Variants in CACNA1C observed in about 807,000 individuals in gnomAD.
The protein encoded by CACNA1C is calcium voltage-gated channel subunit alpha1 C, also known as voltage-dependent L-type calcium channel subunit alpha-1C.
CACNA1C carries 30 observed loss-of-function variants against 229.0 expected under a neutral mutation model. That is an observed-to-expected ratio of 0.13 (90% CI 0.10 to 0.18). The LOEUF is 0.18. CACNA1C is among the 10% of genes least tolerant of loss of function. The probability of loss-of-function intolerance (pLI) is 1.00; values close to 1 mark genes in which losing one functional copy is unlikely to be tolerated. For missense variants in CACNA1C, 1,658 were observed against 2,845.0 expected (o/e 0.58, Z 9.49); for synonymous variants, 1,114 against 1,132.5 (o/e 0.98, Z 0.33).
chr12:2,214,857 C>T (rs534844277), intron 3 of CACNA1C, among the ~76,000 whole-genome samples: 2 of 151,674 alleles, frequency 1.3e-5, no homozygotes, highest in South Asian at 4.2e-4. Context: ...CCCTTCTAGT[C>T]TATGCTTCTG....
At chr12:2,487,513 AAAAAC>A (rs1158564860) in intron 6 of CACNA1C, among the ~76,000 whole-genome samples, 2 of 150,436 alleles carry the variant, frequency 1.3e-5, no homozygotes, top group South Asian at 2.2e-4. Flanking sequence ...CCACAGTCCT[AAAAAC>A]AAAACAAAAC....
At position 2,061,504 on chromosome 12, in the gene CACNA1C, TGTGGCCAGTAGGCTCCCAGGACG is replaced by T. The variant is rs1222135153; in HGVS notation, c.49+7898_49+7920del. Among the ~76,000 whole-genome samples, 7 of 151,706 alleles carry T rather than the reference TGTGGCCAGTAGGCTCCCAGGACG, an allele frequency of 4.6e-5. No individual in the cohort carries two copies. In the East Asian group the frequency reaches 9.8e-4, roughly 21 times the overall value. ...TTGCCCTCCAGAGAGTCTAGGAGCC[TGTGGCCAGTAGGCTCCCAGGACG>T]GTGGAGCCATGTGCACTGCTGGCAC... On this transcript the variant is annotated intron_variant, in intron 1 of 46. Transcript: ENST00000399655.
intron 3 of CACNA1C, among the ~76,000 whole-genome samples, chr12:2,375,574 C>A (rs1489933577): frequency 6.6e-6 from 1 of 152,146 alleles, no homozygotes; most frequent in African/African-American, 2.4e-5. Flanking sequence ...TGTTTCTTTT[C>A]CGAGGTATTT....
chr12:2,576,183 A>C (rs2058325513), intron 13 of CACNA1C, among the ~76,000 whole-genome samples: 1 of 152,214 alleles, frequency 6.6e-6, no homozygotes, highest in Non-Finnish European at 1.5e-5. Flanking sequence ...TTTTAAGGAT[A>C]AAACAGGGAG....
chr12:1,979,839 T>C (rs1250437568), intron 1 of CACNA1C, among the ~76,000 whole-genome samples: 1 of 152,258 alleles, frequency 6.6e-6, no homozygotes, highest in Non-Finnish European at 1.5e-5. Flanking sequence ...GGCTTTAATC[T>C]GCATAGGTTT....
At chr12:2,641,856 G>A in intron 30 of CACNA1C, 1 of 692,836 alleles carries the variant, frequency 1.4e-6, no homozygotes, top group Non-Finnish European at 2.6e-6. Flanking sequence ...CTGCTTAAGA[G>A]TATGGCTGGC....
intron 3 of CACNA1C, among the ~76,000 whole-genome samples, chr12:2,209,048 G>A (rs1473804639): frequency 1.3e-5 from 2 of 152,236 alleles, no homozygotes; most frequent in Middle Eastern, 3.4e-3. Flanking sequence ...CAGCTCTCCC[G>A]GCCAGCAGCG....
In CACNA1C at chr12:2,601,541, A is replaced by G. The variant is rs1029434594; in HGVS notation, c.2854-313A>G. On this transcript the variant is annotated intron_variant, in intron 21 of 46. Coordinates refer to ENST00000399655, the MANE Select transcript of CACNA1C (RefSeq NM_000719.7). This position sits in a 1 kb window ranked among gnomAD's most constrained non-coding sequence, Gnocchi z 5.9. ...CAAAGCCATGGACTTGGGATGTGGA[A>G]CAGTGCGAAATTAGAGTGGGATGGT... Among the ~76,000 whole-genome samples, 2 of 152,174 alleles carry G rather than the reference A, an allele frequency of 1.3e-5. No individual in the cohort carries two copies. Among genetic ancestry groups the G allele is most frequent in the African/African-American group, 4.8e-5 (2 of 41,456 alleles).
chr12:2,242,807 T>C (rs2071143177), intron 3 of CACNA1C, among the ~76,000 whole-genome samples: 2 of 152,220 alleles, frequency 1.3e-5, no homozygotes, highest in Non-Finnish European at 2.9e-5. Flanking sequence ...TAATCTACCA[T>C]GGTACAGCTG....
In CACNA1C at chr12:2,632,672, A is replaced by C. The variant is rs549148915; in HGVS notation, c.3829-1625A>C. The stretch of plus-strand genomic sequence containing the variant: ...TCTCCTTCAGGGCACCACTGTCTTC[A>C]TCCCCTTCTAGGCAGCCAGCCTCCC... On this transcript the variant is annotated intron_variant, in intron 29 of 46. Transcript: ENST00000399655. This position sits in a 1 kb window ranked among gnomAD's most constrained non-coding sequence, Gnocchi z 4.1. Among the ~76,000 whole-genome samples, 11 of 152,256 alleles carry C rather than the reference A, an allele frequency of 7.2e-5. No homozygotes were observed. Among genetic ancestry groups the C allele is most frequent in the African/African-American group, 2.6e-4 (11 of 41,534 alleles).
Position 2,006,207 on chromosome 12 carries a change from A to G in CACNA1C, c.139+35006A>G, listed in dbSNP as rs577103922. ...GGCGGATCACAAGGTCAGTAGTTCA[A>G]GACCAGCCTGGCCAACATGGTGAAA... On this transcript the variant is annotated intron_variant, in intron 1 of 46. Transcript: ENST00000682462. Among the ~76,000 whole-genome samples, 24 of 152,258 alleles carry G rather than the reference A, an allele frequency of 1.6e-4. No individual in the cohort carries two copies. The South Asian group carries it at 4.8e-3, about 30-fold the overall frequency.
chr12:2,529,702 T>C (rs951398068), intron 9 of CACNA1C, among the ~76,000 whole-genome samples: 1 of 152,252 alleles, frequency 6.6e-6, no homozygotes, highest in Non-Finnish European at 1.5e-5. Context: ...CCTGTCAACA[T>C]TTCTTTTTCA....
intron 29 of CACNA1C, among the ~76,000 whole-genome samples, chr12:2,618,079 C>T (rs73241774): frequency 0.02 from 3,103 of 152,252 alleles, 111 homozygotes; most frequent in African/African-American, 0.071. Flanking sequence ...GCTGAGGGTC[C>T]GGATTGCTCA....
At chr12:2,483,426 G>A (rs2099684559) in intron 5 of CACNA1C, among the ~76,000 whole-genome samples, 1 of 152,210 alleles carries the variant, frequency 6.6e-6, no homozygotes, top group African/African-American at 2.4e-5. Context: ...GCACCAAGGG[G>A]ACAGAGAGGA....
intron 3 of CACNA1C, among the ~76,000 whole-genome samples, chr12:2,135,383 C>T (rs1405763549): frequency 6.9e-6 from 1 of 145,300 alleles, no homozygotes; most frequent in Non-Finnish European, 1.5e-5. Flanking sequence ...GAGAGGCGCT[C>T]TGATTTTTAG....
rs115049499 is a variant in CACNA1C at position 2,531,065 on chromosome 12, A to G, written c.1390+18081A>G. Among the ~76,000 whole-genome samples, 1,505 of 152,306 alleles carry G rather than the reference A, an allele frequency of 9.9e-3. 33 individuals are homozygous for G. Among genetic ancestry groups the G allele is most frequent in the African/African-American group, 0.034 (1,424 of 41,570 alleles). Reference sequence around the variant, plus strand: ...CATCCTACACACTCAGAGCTCTAATACTGAATATTAGGAACGACAGCTACT... The same window carrying G: ...CATCCTACACACTCAGAGCTCTAATGCTGAATATTAGGAACGACAGCTACT... On this transcript the variant is annotated intron_variant, in intron 9 of 46. Coordinates refer to ENST00000399655, the MANE Select transcript of CACNA1C (RefSeq NM_000719.7).
Position 2,550,500 on chromosome 12 carries a change from G to C in CACNA1C, c.1481+467G>C, listed in dbSNP as rs1276995092. 3 of 1,327,480 alleles carry C rather than the reference G, an allele frequency of 2.3e-6. No homozygotes were observed. The East Asian group carries it at 1.4e-4, about 63-fold the overall frequency. 82.2% of individuals were successfully genotyped at this position (1,327,480 alleles called of 1,614,324 possible). On this transcript the variant is annotated intron_variant, in intron 10 of 46. Coordinates refer to ENST00000399655, the MANE Select transcript of CACNA1C (RefSeq NM_000719.7). ...CAGGTGAGAAGATGTTCTGGGAGAT[G>C]ACTGGCATGTGGGTCCTTACCTGAA...
chr12:2,468,031 C>T (rs1299247918), intron 5 of CACNA1C, among the ~76,000 whole-genome samples: 5 of 152,298 alleles, frequency 3.3e-5, no homozygotes, highest in South Asian at 4.1e-4. Flanking sequence ...CAGGAGCCAC[C>T]GCACCAGATA....
rs1477313050 is a variant in CACNA1C, at chr12:2,354,230, C to T, written c.478-94746C>T. ...CCGCACAGTTAGGCTGCCCGAGTCC[C>T]TCTGTCCTCGCACCCTCACCTGGCT... On this transcript the variant is annotated intron_variant, in intron 3 of 46. Coordinates refer to ENST00000399655, the MANE Select transcript of CACNA1C (RefSeq NM_000719.7). The surrounding 1 kb of genome is among the most constrained non-coding windows in gnomAD (Gnocchi z 4.6). 1.3e-5 allele frequency among the ~76,000 whole-genome samples: 2 copies of T among 152,304 alleles called. No individual in the cohort carries two copies. The highest frequency in any genetic ancestry group is 1.9e-4 in the East Asian group (1 of 5,158).
Sources: gnomAD v4.1 joint callset for allele counts (sites outside exome capture counted in the v4.1 genomes callset) on GRCh38, gnomAD v4.1.1 for gene constraint, Gnocchi (gnomAD v3.1) non-coding constraint, MANE v1.5 for transcripts, NCBI Gene and HGNC (gene_info 2026-07-23, HGNC 2026-07-21) for gene names.